The following CTNNA2 variants were observed in gnomAD, a reference collection of about 807,000 sequenced individuals.
CTNNA2 encodes catenin alpha-2.
CTNNA2 carries 42 observed loss-of-function variants against 101.0 expected under a neutral mutation model. The ratio of observed to expected loss-of-function variants is 0.42; its 90% CI spans 0.32 to 0.54. CTNNA2 has a LOEUF of 0.54. Ranked by LOEUF, CTNNA2 falls within the 20% of genes least tolerant of loss-of-function variation. The probability of loss-of-function intolerance (pLI) is 0.14; values close to 1 mark genes in which losing one functional copy is unlikely to be tolerated. For synonymous variants in CTNNA2, 450 were observed against 456.4 expected (o/e 0.99, Z 0.18); for missense variants, 871 against 1,223.1 (o/e 0.71, Z 4.29).
chr2:79,845,252 G>A (rs183715134), intron 3 of CTNNA2, among the ~76,000 whole-genome samples: 159 of 136,520 alleles, frequency 1.2e-3, no homozygotes, highest in African/African-American at 4.0e-3. Flanking sequence ...GGTGATTCTT[G>A]TTAGTGGGTC....
intron 1 of CTNNA2, among the ~76,000 whole-genome samples, chr2:79,589,712 T>A (rs1676720626): frequency 1.7e-5 from 1 of 59,642 alleles, no homozygotes; most frequent in Admixed American, 1.2e-4. Flanking sequence ...CCAGATCTTT[T>A]TTTTTCCCCC....
chr2:80,560,494 T>G (rs1222157804), intron 12 of CTNNA2, among the ~76,000 whole-genome samples: 1 of 152,176 alleles, frequency 6.6e-6, no homozygotes. Flanking sequence ...GGGTCGGTAT[T>G]AATTGCGTAA....
At chr2:80,524,934 CTT>C (rs1280779933) in intron 9 of CTNNA2, among the ~76,000 whole-genome samples, 1 of 152,006 alleles carries the variant, frequency 6.6e-6, no homozygotes, top group African/African-American at 2.4e-5. Flanking sequence ...CCACCTCATA[CTT>C]TTAAGTTTTT....
chr2:79,811,137 C>T (rs935721435), intron 3 of CTNNA2, among the ~76,000 whole-genome samples: 2 of 151,670 alleles, frequency 1.3e-5, no homozygotes, highest in Non-Finnish European at 1.5e-5. Flanking sequence ...AGTTTACAGT[C>T]CCACCAACAG....
At chr2:80,065,051 G>A (rs1697878443) in intron 7 of CTNNA2, among the ~76,000 whole-genome samples, 1 of 152,180 alleles carries the variant, frequency 6.6e-6, no homozygotes, top group African/African-American at 2.4e-5. Context: ...CCCTTTTGCT[G>A]ACTTGTAAAT....
At chr2:79,612,261 A>G (rs1160333057) in intron 1 of CTNNA2, among the ~76,000 whole-genome samples, 2 of 152,200 alleles carry the variant, frequency 1.3e-5, no homozygotes, top group African/African-American at 2.4e-5. Context: ...AGACAGATGT[A>G]TAAGGTAGCA....
intron 1 of CTNNA2, among the ~76,000 whole-genome samples, chr2:79,602,684 C>T (rs1396714035): frequency 1.3e-5 from 2 of 152,066 alleles, no homozygotes; most frequent in Non-Finnish European, 2.9e-5. Context: ...ACATATAAAA[C>T]ACAACAGCAC....
chr2:79,391,066 C>T (rs1411291483), intron 4 of CTNNA2, among the ~76,000 whole-genome samples: 5 of 152,126 alleles, frequency 3.3e-5, no homozygotes, highest in African/African-American at 4.8e-5. Context: ...TGGTATTCAC[C>T]ATTGCCTACT....
chr2:79,753,806 C>G (rs1431510145), intron 3 of CTNNA2, among the ~76,000 whole-genome samples: 4 of 151,664 alleles, frequency 2.6e-5, no homozygotes, highest in African/African-American at 4.8e-5. Flanking sequence ...ATGACATAAC[C>G]TCAAATGTGA....
intron 2 of CTNNA2, among the ~76,000 whole-genome samples, chr2:79,657,932 G>A (rs1163579675): frequency 6.6e-6 from 1 of 151,542 alleles, no homozygotes; most frequent in Non-Finnish European, 1.5e-5. Context: ...CGTAAATTTT[G>A]GAAAAGGACT....
intron 3 of CTNNA2, among the ~76,000 whole-genome samples, chr2:79,322,047 A>G (rs1558625342): frequency 6.6e-6 from 1 of 152,324 alleles, no homozygotes; most frequent in Non-Finnish European, 1.5e-5. Context: ...ATTGGAGATG[A>G]AAGGACAACT....
At chr2:79,899,843 AG>A (rs1376205172) in intron 6 of CTNNA2, among the ~76,000 whole-genome samples, 8 of 152,210 alleles carry the variant, frequency 5.3e-5, no homozygotes, top group Non-Finnish European at 8.8e-5. Flanking sequence ...TTAAAACTCA[AG>A]GTCCTTGGTA....
At chr2:80,565,319 T>C (rs1262975095) in intron 12 of CTNNA2, among the ~76,000 whole-genome samples, 1 of 152,146 alleles carries the variant, frequency 6.6e-6, no homozygotes. Flanking sequence ...GGAGCAAGTT[T>C]ATCAAATCTT....
intron 6 of CTNNA2, among the ~76,000 whole-genome samples, chr2:79,875,661 G>T (rs1682965723): frequency 6.6e-6 from 1 of 152,074 alleles, no homozygotes. Flanking sequence ...CATTTTCATA[G>T]TGGTCTCTCC....
intron 9 of CTNNA2, among the ~76,000 whole-genome samples, chr2:80,464,293 G>A (rs10496243): frequency 0.42 from 63,528 of 152,008 alleles, 15,071 homozygotes; most frequent in East Asian, 0.75. Context: ...AATAATTTAC[G>A]GGTTCTTGAG....
chr2:80,600,695 C>CAATAA (rs1697416792), intron 15 of CTNNA2, among the ~76,000 whole-genome samples: 1 of 152,106 alleles, frequency 6.6e-6, no homozygotes. Flanking sequence ...AACGACTGAA[C>CAATAA]ATATCTACAG....
chr2:80,061,612 T>C (rs956202735), intron 7 of CTNNA2, among the ~76,000 whole-genome samples: 3 of 152,216 alleles, frequency 2.0e-5, no homozygotes, highest in African/African-American at 7.2e-5. Context: ...GTTCCAATCA[T>C]ATCTGCCCCT....
chr2:79,241,148 ATTAT>A (rs1280294592), intron 2 of CTNNA2, among the ~76,000 whole-genome samples: 1 of 152,220 alleles, frequency 6.6e-6, no homozygotes, highest in African/African-American at 2.4e-5. Flanking sequence ...CATTGTATTC[ATTAT>A]TTATCATAAT....
intron 8 of CTNNA2, 147 bp downstream of exon 8, chr2:80,393,438 G>A (rs1677711142): frequency 6.6e-6 from 4 of 606,310 alleles, no homozygotes; most frequent in Non-Finnish European, 1.1e-5. Flanking sequence ...CCATTTTATC[G>A]GCAAGGTAGA....
Sources: gnomAD v4.1 joint callset for allele counts (sites outside exome capture counted in the v4.1 genomes callset) on GRCh38, gnomAD v4.1.1 for gene constraint, MANE v1.5 for transcripts, NCBI Gene and HGNC (gene_info 2026-07-23, HGNC 2026-07-21) for gene names.